The following ANKRD10 variants were observed in gnomAD, a reference collection of about 807,000 sequenced individuals.
The protein encoded by ANKRD10 is ankyrin repeat domain-containing protein 10.
In ANKRD10, 14 loss-of-function variants were observed where a neutral mutation model predicts 27.0. The observed-to-expected ratio is 0.52, with a 90% confidence interval of 0.34 to 0.81. The LOEUF is 0.81. Among genes scored for constraint, ANKRD10 ranks in the 40% least tolerant of loss-of-function variants. The pLI is 0.01. For missense variants in ANKRD10, 493 were observed against 544.0 expected (o/e 0.91, Z 0.93); for synonymous variants, 250 against 224.5 (o/e 1.11, Z -1.01).
intron 1 of ANKRD10, among the ~76,000 whole-genome samples, chr13:110,911,085 A>T (rs1242896181): frequency 6.6e-6 from 1 of 152,260 alleles, no homozygotes; most frequent in African/African-American, 2.4e-5. Context: ...CGCTGTTCCA[A>T]GACTTCTATC....
chr13:110,905,203 A>G (rs2065496336), intron 3 of ANKRD10: 1 of 152,256 alleles, frequency 6.6e-6, no homozygotes. Flanking sequence ...TTTAAGGGTG[A>G]AAACCGCATC....
At chr13:110,906,216 T>G in intron 2 of ANKRD10, 92 bp from the exon 3 acceptor site, 1 of 966,882 alleles carries the variant, frequency 1.0e-6, no homozygotes. Context: ...AGAGACCTTC[T>G]CATCCTTTTT....
chr13:110,910,458 C>G (rs370141418), intron 2 of ANKRD10, among the ~76,000 whole-genome samples, 160 bp downstream of exon 2: 14 of 152,358 alleles, frequency 9.2e-5, no homozygotes, highest in African/African-American at 3.1e-4. Context: ...AAAGGGCCTA[C>G]TATCCTCCAC....
intron 1 of ANKRD10, among the ~76,000 whole-genome samples, chr13:110,913,598 C>CA (rs2065785731): frequency 1.3e-5 from 2 of 152,174 alleles, no homozygotes; most frequent in Admixed American, 1.3e-4. Context: ...CCAAAAGACA[C>CA]AGCTGCTTTG....
chr13:110,883,510 C>G (rs2064856554), intron 5 of ANKRD10, 188 bp downstream of exon 5: 2 of 1,333,164 alleles, frequency 1.5e-6, no homozygotes, highest in African/African-American at 3.0e-5. Context: ...CAACAAAGTG[C>G]AAAACATCTG....
intron 2 of ANKRD10, among the ~76,000 whole-genome samples, chr13:110,908,980 GCGGTAGAAGTTT>G (rs1274341278): frequency 6.6e-6 from 1 of 152,184 alleles, no homozygotes; most frequent in Admixed American, 6.5e-5. Context: ...GAAGCAGAGT[GCGGTAGAAGTTT>G]CCAGGAGGTG....
At chr13:110,890,643 A>C (rs1031939223) in intron 4 of ANKRD10, among the ~76,000 whole-genome samples, 1 of 152,224 alleles carries the variant, frequency 6.6e-6, no homozygotes, top group Admixed American at 6.5e-5. Flanking sequence ...AATCACAGAA[A>C]CATCAGTCAT....
chr13:110,886,533 ATAAGT>A (rs1257623605), intron 4 of ANKRD10, among the ~76,000 whole-genome samples: 1 of 152,182 alleles, frequency 6.6e-6, no homozygotes, highest in Non-Finnish European at 1.5e-5. Flanking sequence ...GTAGCTATAC[ATAAGT>A]TAATTGGCTG....
intron 4 of ANKRD10, among the ~76,000 whole-genome samples, chr13:110,890,030 A>C: frequency 6.6e-6 from 1 of 152,204 alleles, no homozygotes. Context: ...CATGTGTTAA[A>C]TGAGGAAAAA....
Position 110,879,942 on chromosome 13 carries a change from G to A in ANKRD10, c.958C>T (p.Pro320Ser). Residue 320 changes from proline to serine, a missense_variant, in exon 6 of 6, where the codon CCG becomes TCG. Coordinates refer to ENST00000267339, the MANE Select transcript of ANKRD10 (RefSeq NM_017664.4). ...SSGLAPGQPF[P>S]SSQGSLCISG... ...ATGCAGAGAGAACCCTGGCTACTCG[G>A]AAACGGCTGTCCTGGGGCTAATCCA... 1 of 1,614,184 alleles carries A rather than the reference G, an allele frequency of 6.2e-7. No individual in the cohort carries two copies. The highest frequency in any genetic ancestry group is 8.5e-7 in the Non-Finnish European group (1 of 1,180,048).
intron 1 of ANKRD10, among the ~76,000 whole-genome samples, chr13:110,911,982 T>A (rs920713877): frequency 6.6e-6 from 1 of 152,244 alleles, no homozygotes; most frequent in African/African-American, 2.4e-5. Flanking sequence ...GAAAAAAGCC[T>A]ACAGCATAAC....
chr13:110,906,037 C>T lies in ANKRD10; in HGVS notation c.451G>A (p.Val151Ile), dbSNP rs752377728. 1.6e-5 allele frequency: 25 copies of T among 1,594,928 alleles called. No individual in the cohort carries two copies. The highest frequency in any genetic ancestry group is 4.5e-5 in the South Asian group (4 of 88,018). ...GAATAAACGAAAGACACTTACTCGA[C>T]GTGAGCCCCATTCGCCACAAGGGCA... Reference protein sequence around the residue: ...ISALVANGAHVDLRNASGLTA... With the variant: ...ISALVANGAHIDLRNASGLTA... Residue 151 changes from valine to isoleucine, a missense_variant, in exon 3 of 6, where the codon GTC becomes ATC. Val to Ile is a conservative substitution (Grantham distance 29). Coordinates refer to ENST00000267339, the MANE Select transcript of ANKRD10 (RefSeq NM_017664.4).
At chr13:110,896,710 G>T (rs2138851235) in intron 3 of ANKRD10, among the ~76,000 whole-genome samples, 1 of 152,332 alleles carries the variant, frequency 6.6e-6, no homozygotes, top group South Asian at 2.1e-4. Context: ...TAGGCTGAAA[G>T]CAGCCTCAAG....
intron 3 of ANKRD10, chr13:110,900,546 G>A (rs1238134927): frequency 7.4e-7 from 1 of 1,342,796 alleles, no homozygotes; most frequent in East Asian, 4.6e-5. Context: ...AGTATGCCTC[G>A]TGTGCAGAAA....
At chr13:110,883,608 C>T in intron 5 of ANKRD10, 90 bp downstream of exon 5, 1 of 1,566,940 alleles carries the variant, frequency 6.4e-7, no homozygotes. Context: ...ATTTCTATTT[C>T]TTTTGGTCCA....
chr13:110,886,806 C>T (rs2064942587), intron 4 of ANKRD10, among the ~76,000 whole-genome samples: 1 of 152,196 alleles, frequency 6.6e-6, no homozygotes, highest in African/African-American at 2.4e-5. Context: ...GGAAAGGAAG[C>T]ACTATACTTT....
chr13:110,896,656 G>A (rs1410240867), intron 3 of ANKRD10, among the ~76,000 whole-genome samples: 1 of 152,188 alleles, frequency 6.6e-6, no homozygotes, highest in Non-Finnish European at 1.5e-5. Context: ...TTTAGACTTT[G>A]GAGACCATAC....
intron 1 of ANKRD10, among the ~76,000 whole-genome samples, chr13:110,913,606 T>G (rs2065786080): frequency 6.6e-6 from 1 of 152,212 alleles, no homozygotes. Flanking sequence ...CACAGCTGCT[T>G]TGTGAATGTA....
At chr13:110,905,724 G>A (rs1016071115) in intron 3 of ANKRD10, among the ~76,000 whole-genome samples, 1 of 152,166 alleles carries the variant, frequency 6.6e-6, no homozygotes, top group African/African-American at 2.4e-5. Flanking sequence ...GACACAACTA[G>A]TTAGTGGCAA....
Sources: allele counts gnomAD v4.1 joint callset (sites outside exome capture counted in the v4.1 genomes callset), GRCh38; gene constraint gnomAD v4.1.1; transcripts MANE v1.5; gene names NCBI Gene and HGNC (gene_info 2026-07-23, HGNC 2026-07-21).